SULT6B1: variants seen among roughly 807,000 people sequenced by gnomAD.
SULT6B1 encodes sulfotransferase 6B1.
A neutral mutation model predicts 37.2 loss-of-function variants in SULT6B1; 44 were observed. The ratio of observed to expected loss-of-function variants is 1.18; its 90% CI spans 0.93 to 1.52. The LOEUF is 1.52. Ranked by LOEUF, SULT6B1 falls within the 40% of genes most tolerant of loss-of-function variation. The pLI, the probability that SULT6B1 is intolerant of heterozygous loss-of-function variation, is 0.00. For missense variants in SULT6B1, 450 were observed against 361.0 expected (o/e 1.25, Z -2.00); for synonymous variants, 140 against 126.0 (o/e 1.11, Z -0.74).
upstream of SULT6B1, among the ~76,000 whole-genome samples, chr2:37,193,581 A>AG (rs1165507422): frequency 1.6e-3 from 234 of 147,544 alleles, no homozygotes; most frequent in East Asian, 7.1e-3. Flanking sequence ...AAAAAGAAGA[A>AG]AAAGAAGAAG....
intron 2 of SULT6B1, among the ~76,000 whole-genome samples, chr2:37,184,771 G>A (rs1431472053): frequency 6.6e-6 from 1 of 152,052 alleles, no homozygotes; most frequent in Non-Finnish European, 1.5e-5. Context: ...GGCGGATGTT[G>A]CGGTGAGCTG....
intron 4 of SULT6B1, among the ~76,000 whole-genome samples, chr2:37,177,411 C>CAA (rs57205863): frequency 6.3e-4 from 48 of 76,180 alleles, no homozygotes; most frequent in Admixed American, 1.1e-3. Context: ...AATCTTGTCT[C>CAA]AAAAAAAAAA....
intron 6 of SULT6B1, among the ~76,000 whole-genome samples, chr2:37,169,483 C>CTTGATT (rs1676249609): frequency 6.6e-6 from 1 of 151,696 alleles, no homozygotes; most frequent in Non-Finnish European, 1.5e-5. Flanking sequence ...TTTTTGTTTT[C>CTTGATT]TTGTTTTTGT....
intron 1 of SULT6B1, chr2:37,194,735 C>G: frequency 5.6e-6 from 1 of 177,160 alleles, no homozygotes; most frequent in East Asian, 1.5e-4. Context: ...TTGCAGGAGC[C>G]ATTCTGCTAG....
chr2:37,168,939 AG>A (rs1420211689), intron 6 of SULT6B1, among the ~76,000 whole-genome samples: 1 of 152,238 alleles, frequency 6.6e-6, no homozygotes, highest in East Asian at 1.9e-4. Flanking sequence ...CAATATATTA[AG>A]GGAATAAAAG....
upstream of SULT6B1, among the ~76,000 whole-genome samples, chr2:37,193,027 G>A (rs528938568): frequency 2.0e-5 from 3 of 152,322 alleles, no homozygotes; most frequent in Non-Finnish European, 4.4e-5. Context: ...TGGGTCTCAT[G>A]TTATATGAAG....
At chr2:37,192,248 A>C (rs1676794490), upstream of SULT6B1, among the ~76,000 whole-genome samples, 1 of 152,246 alleles carries the variant, frequency 6.6e-6, no homozygotes, top group Admixed American at 6.5e-5. Context: ...ATATGTAAAC[A>C]TATGGAAACA....
chr2:37,183,859 G>T (rs373960188), intron 2 of SULT6B1, among the ~76,000 whole-genome samples: 30 of 152,142 alleles, frequency 2.0e-4, no homozygotes, highest in African/African-American at 6.5e-4. Context: ...GGCCTGGCTG[G>T]TCTGAAACTC....
chr2:37,188,357 C>T (rs1286475927), intron 1 of SULT6B1, 85 bp downstream of exon 1: 3 of 1,165,402 alleles, frequency 2.6e-6, no homozygotes, highest in Admixed American at 2.1e-5. Flanking sequence ...CAATGAGGAA[C>T]CGCCTTCATC....
intron 1 of SULT6B1, chr2:37,194,610 T>C (rs1446794980): frequency 2.8e-6 from 1 of 356,710 alleles, no homozygotes; most frequent in Non-Finnish European, 5.5e-6. Context: ...TTTGAGTGCC[T>C]GAGGGACATG....
intron 6 of SULT6B1, among the ~76,000 whole-genome samples, chr2:37,170,535 G>A (rs527882368): frequency 2.8e-4 from 43 of 151,972 alleles, no homozygotes; most frequent in Admixed American, 2.0e-3. Flanking sequence ...AGTGGCTCAC[G>A]CCTGTAATCC....
intron 1 of SULT6B1, among the ~76,000 whole-genome samples, chr2:37,194,950 T>C (rs962654941): frequency 1.2e-5 from 1 of 86,006 alleles, no homozygotes; most frequent in Non-Finnish European, 2.2e-5. Flanking sequence ...CCTTCCTTCC[T>C]TCCTTCCTTC....
chr2:37,187,158 C>T (rs1404148868), intron 2 of SULT6B1, among the ~76,000 whole-genome samples, 197 bp downstream of exon 2: 2 of 152,206 alleles, frequency 1.3e-5, no homozygotes, highest in Non-Finnish European at 2.9e-5. Context: ...GCATTTCTAT[C>T]TTTTGTGAAA....
chr2:37,194,216 T>C (rs1264760500), intron 1 of SULT6B1, among the ~76,000 whole-genome samples: 2 of 151,918 alleles, frequency 1.3e-5, no homozygotes, highest in East Asian at 3.9e-4. Flanking sequence ...TTCTGTCACC[T>C]AGGGTGGAGT....
chr2:37,177,232 C>G (rs1676449782), intron 4 of SULT6B1, among the ~76,000 whole-genome samples: 1 of 151,540 alleles, frequency 6.6e-6, no homozygotes, highest in Admixed American at 6.6e-5. Flanking sequence ...AATACGAAGC[C>G]TGGGCAATAT....
chr2:37,188,467 G>T lies in SULT6B1; in HGVS notation c.174C>A (p.Ile58=), dbSNP rs140600686. Residue 58 remains isoleucine, a synonymous_variant, in exon 1 of 7, where the codon ATC becomes ATA. Transcript: ENST00000535679. Reference sequence around the variant, plus strand: ...CGCACTTTGGATAAGATGCTAGCACGATGTCATCATGTCTGGCTTCGAAGG... The same window carrying T: ...CGCACTTTGGATAAGATGCTAGCACTATGTCATCATGTCTGGCTTCGAAGG... ...LDTFEARHDD[I]VLASYPKCGS... 3.1e-6 allele frequency: 5 copies of T among 1,613,824 alleles called. No individual in the cohort carries two copies. In the African/African-American group the frequency reaches 6.7e-5, roughly 22 times the overall value.
At chr2:37,185,700 A>G (rs1676656996) in intron 2 of SULT6B1, among the ~76,000 whole-genome samples, 1 of 138,850 alleles carries the variant, frequency 7.2e-6, no homozygotes, top group Non-Finnish European at 1.5e-5. Context: ...CCTGGGTGAC[A>G]GAGTGAGACT....
intron 1 of SULT6B1, among the ~76,000 whole-genome samples, 156 bp downstream of exon 1, chr2:37,188,286 T>C (rs1676714811): frequency 6.6e-6 from 1 of 152,206 alleles, no homozygotes; most frequent in Non-Finnish European, 1.5e-5. Context: ...TTACTGATTT[T>C]ACAACCTACG....
chr2:37,175,197 T>C lies in SULT6B1; in HGVS notation c.559A>G (p.Ile187Val), dbSNP rs770427342. Residue 187 changes from isoleucine (I) to valine (V), a missense_variant, in exon 5 of 7, where the codon ATC becomes GTC. By Grantham distance (29) the Ile-to-Val change is conservative (BLOSUM62 3). Transcript: ENST00000535679. ...CCATCAAGATGTTTGTTCCAATTGATTGCAAAATCAAAATACCTTCCCCAA... is the reference window on the plus strand; with the variant it reads ...CCATCAAGATGTTTGTTCCAATTGACTGCAAAATCAAAATACCTTCCCCAA... ...VSWGRYFDFA[I>V]NWNKHLDGDN... 1.3e-6 allele frequency: 2 copies of C among 1,590,796 alleles called. No homozygotes were observed. The highest frequency in any genetic ancestry group is 2.7e-5 in the African/African-American group (2 of 74,354).
Sources: gnomAD v4.1 joint callset for allele counts (sites outside exome capture counted in the v4.1 genomes callset) on GRCh38, gnomAD v4.1.1 for gene constraint, MANE v1.5 for transcripts, NCBI Gene and HGNC (gene_info 2026-07-23, HGNC 2026-07-21) for gene names.